Variants in COL28A1 observed in about 807,000 individuals in gnomAD.
COL28A1 encodes the protein collagen type XXVIII alpha 1 chain.
In COL28A1, 161 loss-of-function variants were observed where a neutral mutation model predicts 150.2. The ratio of observed to expected loss-of-function variants is 1.07; its 90% confidence interval spans 0.94 to 1.22. The LOEUF (loss-of-function observed/expected upper bound fraction) is 1.22, where lower values mean the gene tolerates loss of function less well. COL28A1 is among the 50% of genes most tolerant of loss of function. The pLI, the probability that COL28A1 is intolerant of heterozygous loss-of-function variation, is 0.00. For missense variants in COL28A1, 1,617 were observed against 1,388.3 expected, an observed-to-expected ratio of 1.16 and a Z score of -2.62; for synonymous variants, 552 against 469.7, an observed-to-expected ratio of 1.18 and a Z score of -2.26.
chr7:7,527,023 T>G (rs1054188026), intron 3 of COL28A1, among the ~76,000 whole-genome samples: 13 of 152,252 alleles, frequency 8.5e-5, no homozygotes, highest in Admixed American at 8.5e-4. Context: ...TTTCAGTTCT[T>G]TCTTTTAAAA....
rs370112687 is a variant in COL28A1 at position 7,532,855 on chromosome 7, G to C, written c.21C>G (p.Val7=). Residue 7 remains valine (V), a synonymous_variant, in exon 2 of 35, where the codon GTC becomes GTG. Coordinates refer to ENST00000399429, the MANE Select transcript of COL28A1 (RefSeq NM_001037763.3). ...ACGCTGACAAAAGCAGGAGATAGAA[G>C]ACAAAATATCTGTTCCACATTATGG... The part of the protein sequence containing the change: MWNRYF[V]FYLLLLSAFT... 3 of 1,610,746 alleles carry C rather than the reference G, an allele frequency of 1.9e-6. No homozygotes were observed. In the African/African-American group the frequency reaches 4.0e-5, roughly 22 times the overall value.
intron 11 of COL28A1, among the ~76,000 whole-genome samples, chr7:7,491,215 T>C (rs1488665505): frequency 2.0e-5 from 3 of 152,210 alleles, no homozygotes; most frequent in Admixed American, 6.5e-5. Flanking sequence ...TGAATGATCA[T>C]TGGCCTAATG....
chr7:7,379,904 T>C lies in COL28A1; in HGVS notation c.2322+756A>G, dbSNP rs553818123. Among the ~76,000 whole-genome samples, 15 of 152,286 alleles carry C rather than the reference T, an allele frequency of 9.8e-5. No homozygotes were observed. In the East Asian group the frequency reaches 2.5e-3, roughly 26 times the overall value. On this transcript the variant is annotated intron_variant, in intron 30 of 34. Coordinates refer to ENST00000399429, the MANE Select transcript of COL28A1 (RefSeq NM_001037763.3). Reference sequence around the variant, plus strand: ...ACAGCCCGCAGAACACATGTGCAGTTCTGTTGGTCACATGCCCAGCTCTCA... The same window carrying C: ...ACAGCCCGCAGAACACATGTGCAGTCCTGTTGGTCACATGCCCAGCTCTCA...
intron 27 of COL28A1, among the ~76,000 whole-genome samples, chr7:7,412,554 G>C (rs1783849882): frequency 6.6e-6 from 1 of 152,080 alleles, no homozygotes; most frequent in Non-Finnish European, 1.5e-5. Flanking sequence ...AAATAATAAT[G>C]TGAATAGCTG....
downstream of COL28A1, chr7:7,357,214 T>G (rs1238340210): frequency 2.0e-5 from 3 of 152,142 alleles, no homozygotes; most frequent in East Asian, 3.9e-4. Context: ...CAGGCCTGGC[T>G]AATTTTTGTA....
the COL28A1 span, among the ~76,000 whole-genome samples, chr7:7,348,133 A>G: frequency 6.6e-6 from 1 of 152,098 alleles, no homozygotes; most frequent in Non-Finnish European, 1.5e-5. Flanking sequence ...GGGGAGGATG[A>G]TAACAGCTGA....
At position 7,370,836 on chromosome 7, in the gene COL28A1, A is replaced by G. The variant is rs755176300; in HGVS notation, c.2955T>C (p.Asp985=). The change falls in exon 33 of 35, where the codon GAT becomes GAC. Residue 985 remains aspartate (D), a synonymous_variant. Transcript: ENST00000399429. ...KLFQKICEDF[D]SYLVQIFGSS... is the part of the protein sequence containing the mutation. ...AACCAAAAATTTGAACGAGATAGGA[A>G]TCAAAATCCTCACAAATTTTTTGAA... 1.2e-6 allele frequency: 2 copies of G among 1,612,948 alleles called. No homozygotes were observed. The highest frequency in any genetic ancestry group is 4.5e-5 in the East Asian group (2 of 44,862).
intron 14 of COL28A1, among the ~76,000 whole-genome samples, chr7:7,476,519 A>G (rs1583462803): frequency 6.6e-6 from 1 of 152,334 alleles, no homozygotes; most frequent in East Asian, 1.9e-4. Context: ...TACAGCAGAT[A>G]CCATATGGCT....
intron 32 of COL28A1, among the ~76,000 whole-genome samples, chr7:7,371,327 C>A (rs1315506321): frequency 6.6e-6 from 1 of 152,228 alleles, no homozygotes; most frequent in Non-Finnish European, 1.5e-5. Flanking sequence ...TTTGGCTATT[C>A]TGACACATTC....
intron 25 of COL28A1, among the ~76,000 whole-genome samples, chr7:7,431,934 G>A (rs1785006183): frequency 6.6e-6 from 1 of 152,202 alleles, no homozygotes. Context: ...AGGAACAAAG[G>A]ATGATGCTTA....
chr7:7,477,183 G>A lies in COL28A1; in HGVS notation c.1165-3C>T. 4 of 1,129,594 alleles carry A rather than the reference G, an allele frequency of 3.5e-6. No individual in the cohort carries two copies. The East Asian group carries it at 7.0e-5, about 20-fold the overall frequency. The allele number at this position is 1,129,594 out of a possible 1,614,324, so 70.0% of individuals were successfully genotyped here. On this transcript the variant is annotated splice_region_variant and splice_polypyrimidine_tract_variant and intron_variant, in intron 13 of 34. Transcript: ENST00000399429. Reference sequence around the variant, plus strand: ...ACTCCCTCAGGACCACGGGGACCCTGGTTAGGATAGGAGAAAATGAGGAGC... The same window carrying A: ...ACTCCCTCAGGACCACGGGGACCCTAGTTAGGATAGGAGAAAATGAGGAGC...
intron 3 of COL28A1, among the ~76,000 whole-genome samples, chr7:7,530,877 C>G (rs993893925): frequency 1.9e-4 from 29 of 152,016 alleles, no homozygotes; most frequent in African/African-American, 6.5e-4. Context: ...ATAGGTGAGA[C>G]AGAGTCAAAA....
At chr7:7,451,405 T>C (rs535602571) in intron 18 of COL28A1, among the ~76,000 whole-genome samples, 1 of 152,086 alleles carries the variant, frequency 6.6e-6, no homozygotes, top group African/African-American at 2.4e-5. Flanking sequence ...TTTGTATTTT[T>C]AGTAGAGACG....
At chr7:7,461,662 A>G (rs1787635425) in intron 15 of COL28A1, among the ~76,000 whole-genome samples, 1 of 152,050 alleles carries the variant, frequency 6.6e-6, no homozygotes, top group Non-Finnish European at 1.5e-5. Flanking sequence ...GGCAGCCATT[A>G]TCCTCCTAGG....
At chr7:7,382,592 C>G (rs1345789602) in intron 27 of COL28A1, among the ~76,000 whole-genome samples, 1 of 152,120 alleles carries the variant, frequency 6.6e-6, no homozygotes, top group East Asian at 1.9e-4. Context: ...AGTCATAGTT[C>G]TAATGCTCCT....
intron 6 of COL28A1, 68 bp downstream of exon 6, chr7:7,519,994 T>G: frequency 1.2e-6 from 1 of 808,652 alleles, no homozygotes; most frequent in Non-Finnish European, 2.1e-6. Context: ...ATTTTTAAAA[T>G]TGTTGTTTTA....
At chr7:7,375,677 C>T (rs987257060) in intron 30 of COL28A1, among the ~76,000 whole-genome samples, 180 bp from the exon 31 acceptor site, 7 of 152,070 alleles carry the variant, frequency 4.6e-5, no homozygotes, top group South Asian at 2.1e-4. Context: ...AACTAAAATG[C>T]GTTTGAGCTG....
At chr7:7,462,842 CA>C (rs1317704596) in intron 15 of COL28A1, among the ~76,000 whole-genome samples, 2 of 138,526 alleles carry the variant, frequency 1.4e-5, no homozygotes, top group Non-Finnish European at 3.1e-5. Flanking sequence ...GCCTGGGCAA[CA>C]AGAGCAAAAC....
chr7:7,397,769 G>A (rs1409268456), intron 27 of COL28A1, among the ~76,000 whole-genome samples: 1 of 152,158 alleles, frequency 6.6e-6, no homozygotes, highest in African/African-American at 2.4e-5. Context: ...TAGAAATGTT[G>A]TACAGGTACC....
Sources: gnomAD v4.1 joint callset for allele counts (sites outside exome capture counted in the v4.1 genomes callset) on GRCh38, gnomAD v4.1.1 for gene constraint, MANE v1.5 for transcripts, NCBI Gene and HGNC (gene_info 2026-07-23, HGNC 2026-07-21) for gene names.